GJA3: variants seen among roughly 807,000 people sequenced by gnomAD.
GJA3 encodes gap junction protein alpha 3.
For missense variants in GJA3, 571 were observed against 620.3 expected (o/e 0.92, Z 0.84); for synonymous variants, 297 against 292.6 (o/e 1.02, Z -0.15).
At chr13:20,151,498 G>T (rs567001015) in intron 1 of GJA3, among the ~76,000 whole-genome samples, 101 of 152,292 alleles carry the variant, frequency 6.6e-4, no homozygotes, top group African/African-American at 2.3e-3. Context: ...CACACAACAC[G>T]AGAGAAGTTC....
chr13:20,149,930 GA>G lies in GJA3; in HGVS notation c.-17-6626del, dbSNP rs376784950. Among the ~76,000 whole-genome samples, 478 of 152,328 alleles carry G rather than the reference GA, an allele frequency of 3.1e-3. 2 individuals carry two copies. Among genetic ancestry groups the G allele is most frequent in the African/African-American group, 0.011 (457 of 41,572 alleles). On this transcript the variant is annotated intron_variant, in intron 1 of 1. Coordinates refer to ENST00000241125, the MANE Select transcript of GJA3 (RefSeq NM_021954.4). The stretch of plus-strand genomic sequence containing the variant: ...GCAACAGGCTGGAAGTGCTCTTCAC[GA>G]ATGAGGCAGGGCCTCAGGAACAGCG...
chr13:20,143,362 C>T, intron 1 of GJA3, 57 bp from the exon 2 acceptor site: 1 of 1,279,030 alleles, frequency 7.8e-7, no homozygotes, highest in Non-Finnish European at 1.1e-6. Context: ...GCCGGGTCCG[C>T]ACCCATGGGC....
intron 1 of GJA3, among the ~76,000 whole-genome samples, chr13:20,148,780 G>A (rs1958859247): frequency 6.6e-6 from 1 of 152,208 alleles, no homozygotes. Flanking sequence ...CATCACCCAC[G>A]GGGAGGCCCC....
rs1958810784 is a variant in GJA3, at chr13:20,142,098, G to A, written c.1191C>T (p.Ala397=). 3 of 1,548,228 alleles carry A rather than the reference G, an allele frequency of 1.9e-6. No homozygotes were observed. Among genetic ancestry groups the A allele is most frequent in the Admixed American group, 2.0e-5 (1 of 50,912 alleles). ...GGTGCATCTGGGCCGCGGTGGTCACGGCCTGCTCCTCCTCCTCGGGGGTCC... is the reference window on the plus strand; with the variant it reads ...GGTGCATCTGGGCCGCGGTGGTCACAGCCTGCTCCTCCTCCTCGGGGGTCC... ...LAGTPEEEEQ[A]VTTAAQMHQP... Residue 397 remains alanine, a synonymous_variant, in exon 2 of 2, where the codon GCC becomes GCT. Coordinates refer to ENST00000241125, the MANE Select transcript of GJA3 (RefSeq NM_021954.4).
chr13:20,142,485 G>A lies in GJA3; in HGVS notation c.804C>T (p.Phe268=). 3.2e-6 allele frequency: 5 copies of A among 1,551,786 alleles called. No individual in the cohort carries two copies. Among genetic ancestry groups the A allele is most frequent in the Admixed American group, 1.9e-5 (1 of 51,670 alleles). ...SSRPPAVAIG[F]PPYYAHTAAP... is the part of the protein sequence containing the mutation. ...CAGCGGTGTGCGCATAGTAGGGTGGGAACCCGATGGCAACGGCGGGCGGCC... is the reference window on the plus strand; with the variant it reads ...CAGCGGTGTGCGCATAGTAGGGTGGAAACCCGATGGCAACGGCGGGCGGCC... The change falls in exon 2 of 2, where the codon TTC becomes TTT. Residue 268 remains phenylalanine (F), a synonymous_variant. Coordinates refer to ENST00000241125, the MANE Select transcript of GJA3 (RefSeq NM_021954.4).
rs1958807587 is a variant in GJA3, at chr13:20,141,661, A to G, written c.*320T>C. The G allele has an allele frequency of 5.3e-6, 2 of 377,960 alleles. No homozygotes were observed. The highest frequency in any genetic ancestry group is 4.2e-5 in the Admixed American group (1 of 23,980). 23.4% of individuals were successfully genotyped at this position (377,960 alleles called of 1,614,324 possible). A position where few individuals can be genotyped will look rare whatever the true frequency, so the allele number is the denominator to read the frequency against. ...GCAGGATACCTGTTGCTTTACCACT[A>G]CAGAACAGTTACCCCCAGAGACAGC... On this transcript the variant is annotated 3_prime_UTR_variant, in exon 2 of 2. Transcript: ENST00000241125.
At chr13:20,148,229 G>A (rs1192987177) in intron 1 of GJA3, among the ~76,000 whole-genome samples, 1 of 150,938 alleles carries the variant, frequency 6.6e-6, no homozygotes, top group Non-Finnish European at 1.5e-5. Context: ...GAGGCTCTGG[G>A]GGCATTTTAC....
In GJA3 at chr13:20,142,683, G is replaced by T; in HGVS notation, c.606C>A (p.Ile202=). The change falls in exon 2 of 2, where the codon ATC becomes ATA. Residue 202 remains isoleucine (I), a synonymous_variant. Coordinates refer to ENST00000241125, the MANE Select transcript of GJA3 (RefSeq NM_021954.4). ...CCACCGCCAGCATGAAGATGATGAA[G>T]ATGGTCTTCTCCGTGGGCCTGGAGA... ...CFISRPTEKT[I]FIIFMLAVAC... 6.2e-7 allele frequency: 1 copy of T among 1,614,016 alleles called. No homozygotes were observed. Among genetic ancestry groups the T allele is most frequent in the East Asian group, 2.2e-5 (1 of 44,876 alleles).
At position 20,140,284 on chromosome 13, in the gene GJA3, A is replaced by C. The variant is rs919316973; in HGVS notation, c.*1697T>G. 6.6e-6 allele frequency: 1 copy of C among 152,152 alleles called. No homozygotes were observed. Among genetic ancestry groups the C allele is most frequent in the Admixed American group, 6.6e-5 (1 of 15,256 alleles). The allele number at this position is 152,152 out of a possible 1,614,324, so 9.4% of individuals were successfully genotyped here. A position where few individuals can be genotyped will look rare whatever the true frequency, so the allele number is the denominator to read the frequency against. ...GTCCAGTGCATCCTACAGCAAGCAG[A>C]ATGTACTAACAAATTCTTTGTGTTT... On this transcript the variant is annotated 3_prime_UTR_variant, in exon 2 of 2. Transcript: ENST00000241125.
intron 1 of GJA3, among the ~76,000 whole-genome samples, chr13:20,144,772 A>G (rs1958832437): frequency 6.6e-6 from 1 of 152,216 alleles, no homozygotes; most frequent in Non-Finnish European, 1.5e-5. Context: ...AACAGGCTGG[A>G]TGCTGGGAAT....
chr13:20,154,353 GT>G (rs1370767338), intron 1 of GJA3, among the ~76,000 whole-genome samples: 7 of 152,176 alleles, frequency 4.6e-5, no homozygotes, highest in African/African-American at 1.4e-4. Flanking sequence ...GTTCTGAAGA[GT>G]TTTTAAAATT....
In GJA3 at chr13:20,143,100, G is replaced by A. The variant is rs886239432; in HGVS notation, c.189C>T (p.Asn63=). 13 of 1,613,848 alleles carry A rather than the reference G, an allele frequency of 8.1e-6. No homozygotes were observed. Among genetic ancestry groups the A allele is most frequent in the Admixed American group, 6.7e-5 (4 of 59,956 alleles). The part of the protein sequence containing the change: ...TCNTQQPGCE[N]VCYDRAFPIS... ...TGGGGAAGGCCCTGTCGTAGCAGAC[G>A]TTCTCGCAGCCCGGCTGCTGGGTGT... Residue 63 remains asparagine, a synonymous_variant, in exon 2 of 2, where the codon AAC becomes AAT. Transcript: ENST00000241125.
intron 1 of GJA3, among the ~76,000 whole-genome samples, chr13:20,152,663 A>G (rs2141143728): frequency 6.6e-6 from 1 of 152,284 alleles, no homozygotes; most frequent in Middle Eastern, 3.4e-3. Flanking sequence ...TACAGATGAG[A>G]GCTACCACGC....
intron 1 of GJA3, among the ~76,000 whole-genome samples, chr13:20,158,938 A>C (rs1162315814): frequency 7.0e-6 from 1 of 142,224 alleles, no homozygotes; most frequent in Non-Finnish European, 1.5e-5. Flanking sequence ...AAAAAAAAAG[A>C]AAAAGAAAAA....
intron 1 of GJA3, among the ~76,000 whole-genome samples, 198 bp downstream of exon 1, chr13:20,160,692 C>T (rs1049087493): frequency 6.6e-6 from 1 of 152,004 alleles, no homozygotes; most frequent in African/African-American, 2.4e-5. Context: ...CCCGAGCTCC[C>T]CACAACTTTT....
intron 1 of GJA3, among the ~76,000 whole-genome samples, chr13:20,154,996 A>G (rs921109757): frequency 3.3e-5 from 5 of 151,992 alleles, no homozygotes; most frequent in Non-Finnish European, 1.5e-5. Context: ...GACTACAGGC[A>G]CACACCACCA....
At chr13:20,153,288 A>T (rs1307060514) in intron 1 of GJA3, among the ~76,000 whole-genome samples, 2 of 152,222 alleles carry the variant, frequency 1.3e-5, no homozygotes, top group Non-Finnish European at 2.9e-5. Flanking sequence ...GAGGAAAAGC[A>T]GGTCTTTAGA....
intron 1 of GJA3, among the ~76,000 whole-genome samples, chr13:20,148,965 C>G (rs1204972254): frequency 1.3e-5 from 2 of 152,202 alleles, no homozygotes; most frequent in Non-Finnish European, 2.9e-5. Context: ...TTGGTTCTGC[C>G]TCAGTGAAAA....
chr13:20,150,808 G>A (rs2141142461), intron 1 of GJA3, among the ~76,000 whole-genome samples: 1 of 152,310 alleles, frequency 6.6e-6, no homozygotes, highest in Admixed American at 6.5e-5. Context: ...CTCAGCTGGG[G>A]CCTCTGAGGC....
Sources: allele counts gnomAD v4.1 joint callset (sites outside exome capture counted in the v4.1 genomes callset), GRCh38; gene constraint gnomAD v4.1.1; transcripts MANE v1.5; gene names NCBI Gene and HGNC (gene_info 2026-07-23, HGNC 2026-07-21).